Variants in ZNF385D observed in about 807,000 individuals in gnomAD.
ZNF385D encodes the protein zinc finger protein 659.
Under a neutral mutation model 35.8 loss-of-function variants are expected in ZNF385D, and 15 were observed. That is an observed-to-expected ratio of 0.42 (90% CI 0.28 to 0.64). ZNF385D has a LOEUF of 0.64. Ranked by LOEUF, ZNF385D falls within the 30% of genes least tolerant of loss-of-function variation. The probability of loss-of-function intolerance (pLI) is 0.23; values close to 1 mark genes in which losing one functional copy is unlikely to be tolerated. For missense variants in ZNF385D, 474 were observed against 494.6 expected (o/e 0.96, Z 0.39); for synonymous variants, 212 against 186.8 (o/e 1.13, Z -1.10).
rs77231694 is a variant in ZNF385D at position 21,478,459 on chromosome 3, C to T, written c.439+32402G>A. ...TGTTCATTTTCTTTGAACTTTAAAA[C>T]AAGCAATGCCCAGATACACCTGTTC... On this transcript the variant is annotated intron_variant, in intron 4 of 7. Transcript: ENST00000281523. Among the ~76,000 whole-genome samples the T allele has an allele frequency of 5.8e-3, 876 of 152,188 alleles. 7 individuals carry two copies. The highest frequency in any genetic ancestry group is 0.02 in the African/African-American group (848 of 41,536).
intron 3 of ZNF385D, among the ~76,000 whole-genome samples, chr3:21,998,120 G>A (rs1695599105): frequency 1.3e-5 from 2 of 152,020 alleles, no homozygotes; most frequent in African/African-American, 2.4e-5. Context: ...ACGGTGCCTG[G>A]AAGTTACCTT....
intron 2 of ZNF385D, among the ~76,000 whole-genome samples, chr3:22,329,097 AG>A (rs1399465082): frequency 8.0e-4 from 120 of 150,576 alleles, no homozygotes; most frequent in African/African-American, 2.9e-3. Context: ...AAAAAAAAAA[AG>A]AGTTTATTAA....
At chr3:21,617,812 GGTGAGGA>G (rs1364874885) in intron 2 of ZNF385D, among the ~76,000 whole-genome samples, 4 of 152,082 alleles carry the variant, frequency 2.6e-5, no homozygotes, top group African/African-American at 7.2e-5. Flanking sequence ...AAGAACACTG[GGTGAGGA>G]GTGAGGAAAC....
At chr3:21,554,756 C>T (rs933584307) in intron 3 of ZNF385D, among the ~76,000 whole-genome samples, 2 of 152,146 alleles carry the variant, frequency 1.3e-5, no homozygotes, top group Non-Finnish European at 2.9e-5. Context: ...TCAGCACTTG[C>T]AGCTTCACCG....
At chr3:21,848,473 A>T (rs1415180381) in intron 3 of ZNF385D, among the ~76,000 whole-genome samples, 4 of 151,982 alleles carry the variant, frequency 2.6e-5, no homozygotes, top group Non-Finnish European at 5.9e-5. Flanking sequence ...TTGGTTTTTT[A>T]AAAGATAAAA....
chr3:21,969,760 A>G (rs1011864581), intron 3 of ZNF385D, among the ~76,000 whole-genome samples: 29 of 151,042 alleles, frequency 1.9e-4, no homozygotes, highest in African/African-American at 6.4e-4. Context: ...ACTCACTGCT[A>G]TGCTGGCTTT....
At chr3:22,123,476 C>T (rs986471576) in intron 3 of ZNF385D, among the ~76,000 whole-genome samples, 2 of 152,052 alleles carry the variant, frequency 1.3e-5, no homozygotes, top group Non-Finnish European at 2.9e-5. Context: ...GTATGCATTA[C>T]CTCAAGCATT....
intron 4 of ZNF385D, among the ~76,000 whole-genome samples, chr3:21,494,357 A>G (rs954139195): frequency 1.1e-4 from 17 of 152,178 alleles, no homozygotes; most frequent in African/African-American, 4.1e-4. Context: ...TGTGTAAAGA[A>G]TAGTATTTAC....
intron 2 of ZNF385D, among the ~76,000 whole-genome samples, chr3:22,367,029 T>A (rs575155559): frequency 6.6e-6 from 1 of 152,182 alleles, no homozygotes; most frequent in Non-Finnish European, 1.5e-5. Flanking sequence ...ATTTCAAACA[T>A]CTGGCTCTAG....
intron 1 of ZNF385D, among the ~76,000 whole-genome samples, chr3:21,710,121 C>G (rs2068045963): frequency 6.6e-6 from 1 of 152,000 alleles, no homozygotes; most frequent in Admixed American, 6.6e-5. Flanking sequence ...CAGACAAGCG[C>G]TTTCAGGAGT....
intron 3 of ZNF385D, among the ~76,000 whole-genome samples, chr3:22,129,206 G>A (rs1406618195): frequency 6.6e-6 from 1 of 152,024 alleles, no homozygotes; most frequent in African/African-American, 2.4e-5. Flanking sequence ...CTCTCTCTCT[G>A]CTGAGCTACC....
upstream of ZNF385D, among the ~76,000 whole-genome samples, chr3:21,754,886 T>C (rs896091112): frequency 3.3e-5 from 5 of 152,242 alleles, no homozygotes; most frequent in African/African-American, 1.2e-4. Flanking sequence ...ATGAGCATCC[T>C]AAGTACAGCT....
At chr3:22,128,041 T>G (rs1333240918) in intron 3 of ZNF385D, among the ~76,000 whole-genome samples, 2 of 152,320 alleles carry the variant, frequency 1.3e-5, no homozygotes, top group East Asian at 3.9e-4. Context: ...TGAAAAACTC[T>G]CTTTAGCCAT....
intron 1 of ZNF385D, among the ~76,000 whole-genome samples, chr3:21,673,508 T>A (rs2066637197): frequency 1.3e-5 from 2 of 152,126 alleles, no homozygotes; most frequent in East Asian, 3.9e-4. Context: ...CCTGGGTCCT[T>A]TGACTTTTCA....
intron 2 of ZNF385D, among the ~76,000 whole-genome samples, chr3:22,192,359 T>C (rs1482081489): frequency 6.6e-6 from 1 of 152,188 alleles, no homozygotes; most frequent in Non-Finnish European, 1.5e-5. Flanking sequence ...ACTTCTAAGA[T>C]TGTTCCTACT....
rs114430518 is a variant in ZNF385D, at chr3:21,698,294, A to T, written c.23-33266T>A. Among the ~76,000 whole-genome samples, 481 of 152,244 alleles carry T rather than the reference A, an allele frequency of 3.2e-3. 2 individuals are homozygous for T. The highest frequency in any genetic ancestry group is 0.011 in the African/African-American group (467 of 41,558). ...TAAAAATAACAAAATCATATCTTTT[A>T]CAGCACCATGATGGGGCTGGAGGCT... On this transcript the variant is annotated intron_variant, in intron 1 of 7. Coordinates refer to ENST00000281523, the MANE Select transcript of ZNF385D (RefSeq NM_024697.3).
chr3:22,208,217 G>T (rs1442120058), intron 2 of ZNF385D, among the ~76,000 whole-genome samples: 1 of 151,852 alleles, frequency 6.6e-6, no homozygotes, highest in Non-Finnish European at 1.5e-5. Context: ...AATGGAGAAA[G>T]AAAATGTGCT....
intron 3 of ZNF385D, among the ~76,000 whole-genome samples, chr3:22,108,045 A>G (rs1311175468): frequency 4.0e-5 from 6 of 151,590 alleles, no homozygotes; most frequent in African/African-American, 1.5e-4. Context: ...CCCTTACTAG[A>G]TGTCAGTGTA....
At chr3:21,778,917 A>C (rs1033749941) in intron 3 of ZNF385D, among the ~76,000 whole-genome samples, 2 of 151,968 alleles carry the variant, frequency 1.3e-5, no homozygotes, top group African/African-American at 4.8e-5. Flanking sequence ...AGGTCCTATT[A>C]ATATCCCTGC....
Sources: allele counts gnomAD v4.1 joint callset (sites outside exome capture counted in the v4.1 genomes callset), GRCh38; gene constraint gnomAD v4.1.1; transcripts MANE v1.5; gene names NCBI Gene and HGNC (gene_info 2026-07-23, HGNC 2026-07-21).